Variants in RAPGEF2 observed in about 807,000 individuals in gnomAD.
RAPGEF2 encodes the protein PDZ domain containing guanine nucleotide exchange factor (GEF) 1.
In RAPGEF2, 54 loss-of-function variants were observed where a neutral mutation model predicts 186.7. The ratio of observed to expected loss-of-function variants is 0.29; its 90% CI spans 0.23 to 0.36. The LOEUF (loss-of-function observed/expected upper bound fraction) is 0.36, where lower values mean the gene tolerates loss of function less well. Among genes scored for constraint, RAPGEF2 ranks in the 10% least tolerant of loss-of-function variants. The pLI, the probability that RAPGEF2 is intolerant of heterozygous loss-of-function variation, is 1.00. For missense variants in RAPGEF2, 1,532 were observed against 2,045.0 expected (o/e 0.75, Z 4.84); for synonymous variants, 712 against 705.9 (o/e 1.01, Z -0.14).
intron 1 of RAPGEF2, among the ~76,000 whole-genome samples, chr4:159,157,984 A>G (rs984773208): frequency 3.3e-5 from 5 of 152,040 alleles, no homozygotes; most frequent in Non-Finnish European, 5.9e-5. Flanking sequence ...GTAAATGTCT[A>G]TGGTGGGGCT....
intron 1 of RAPGEF2, among the ~76,000 whole-genome samples, chr4:159,123,664 G>T (rs562176485): frequency 1.3e-5 from 2 of 150,246 alleles, no homozygotes; most frequent in African/African-American, 4.9e-5. Context: ...GACTACAGGC[G>T]CCCACCACCG....
chr4:159,281,685 A>AG (rs1269960639), intron 7 of RAPGEF2, among the ~76,000 whole-genome samples: 4 of 143,986 alleles, frequency 2.8e-5, no homozygotes, highest in African/African-American at 5.5e-5. Context: ...AAAAAAAAAA[A>AG]AAAAAGAAAA....
chr4:159,238,990 T>C, intron 5 of RAPGEF2, 106 bp downstream of exon 5: 2 of 582,042 alleles, frequency 3.4e-6, no homozygotes, highest in Non-Finnish European at 5.3e-6. Context: ...ATAGAAAATA[T>C]TGTATATTTT....
chr4:159,182,386 C>CTTTTTTTTTTTTTTTTTTTTTTTT (rs575743979), intron 1 of RAPGEF2, among the ~76,000 whole-genome samples: 1 of 85,690 alleles, frequency 1.2e-5, no homozygotes, highest in African/African-American at 4.4e-5. Context: ...TTCTTTTCTT[C>CTTTTTTTTTTTTTTTTTTTTTTTT]TTTTTTTTTT....
intron 7 of RAPGEF2, among the ~76,000 whole-genome samples, chr4:159,256,555 A>G (rs750288889): frequency 5.3e-5 from 8 of 152,216 alleles, no homozygotes; most frequent in Admixed American, 1.3e-4. Context: ...TTCTTTGGGT[A>G]TATACCCAGT....
chr4:159,209,875 G>C (rs948125661), intron 3 of RAPGEF2, among the ~76,000 whole-genome samples: 2 of 152,112 alleles, frequency 1.3e-5, no homozygotes, highest in Non-Finnish European at 2.9e-5. Context: ...ATCAGTAGGG[G>C]GTTGCTTAAG....
At chr4:159,210,474 C>T in intron 3 of RAPGEF2, 26 bp from the exon 4 acceptor site, 1 of 1,450,666 alleles carries the variant, frequency 6.9e-7, no homozygotes, top group East Asian at 2.5e-5. Context: ...AGGTAACAAT[C>T]TGATTCTGTT....
chr4:159,184,417 T>C (rs1243936960), intron 1 of RAPGEF2, among the ~76,000 whole-genome samples: 1 of 152,206 alleles, frequency 6.6e-6, no homozygotes, highest in Non-Finnish European at 1.5e-5. Context: ...TTTCCTGACT[T>C]TTTAATGATC....
At chr4:159,219,858 G>C (rs1751365481) in intron 4 of RAPGEF2, among the ~76,000 whole-genome samples, 1 of 152,178 alleles carries the variant, frequency 6.6e-6, no homozygotes, top group South Asian at 2.1e-4. Flanking sequence ...TGCAATGTTT[G>C]ATATGCGTAT....
At chr4:159,184,196 A>G (rs1747324184) in intron 1 of RAPGEF2, among the ~76,000 whole-genome samples, 1 of 152,196 alleles carries the variant, frequency 6.6e-6, no homozygotes, top group Admixed American at 6.5e-5. Context: ...GTGCCGCAAT[A>G]AACATATGTG....
intron 25 of RAPGEF2, 77 bp from the exon 26 acceptor site, chr4:159,350,060 A>G (rs1308859245): frequency 5.9e-6 from 6 of 1,016,178 alleles, no homozygotes; most frequent in Non-Finnish European, 6.9e-6. Context: ...TTAACACAAA[A>G]AAGTTTTTTA....
intron 3 of RAPGEF2, among the ~76,000 whole-genome samples, chr4:159,197,678 C>T (rs962404166): frequency 3.3e-5 from 5 of 152,174 alleles, no homozygotes; most frequent in African/African-American, 9.7e-5. Flanking sequence ...CTCAGCTGAG[C>T]TCTTGTTGCT....
rs1579469962 is a variant in RAPGEF2, at chr4:159,209,408, C to T, written c.198-1092C>T. On this transcript the variant is annotated intron_variant, in intron 3 of 29. Coordinates refer to ENST00000691494, the MANE Select transcript of RAPGEF2 (RefSeq NM_001394067.2). ...CTAAAGTCACCCTGACCTTGCGAGG[C>T]AGTGGCAGCCCATGGCCTTTGCACT... 2.6e-5 allele frequency among the ~76,000 whole-genome samples: 4 copies of T among 152,358 alleles called. No individual in the cohort carries two copies. The South Asian group carries it at 8.3e-4, about 32-fold the overall frequency.
At chr4:159,329,600 C>G in intron 11 of RAPGEF2, 1 of 223,932 alleles carries the variant, frequency 4.5e-6, no homozygotes, top group Non-Finnish European at 8.7e-6. Flanking sequence ...CTAATTATGT[C>G]TTTTGATTTT....
chr4:159,330,148 C>T, intron 12 of RAPGEF2, 138 bp downstream of exon 12: 1 of 901,302 alleles, frequency 1.1e-6, no homozygotes, highest in South Asian at 1.8e-5. Flanking sequence ...TGTATGATCT[C>T]CTAGTGAATA....
chr4:159,220,504 C>A (rs1482062496), intron 4 of RAPGEF2, among the ~76,000 whole-genome samples: 2 of 152,148 alleles, frequency 1.3e-5, no homozygotes, highest in Admixed American at 6.6e-5. Context: ...AACATAAATC[C>A]ACACTCCTTG....
At chr4:159,265,532 C>A (rs1035929762) in intron 7 of RAPGEF2, among the ~76,000 whole-genome samples, 5 of 152,242 alleles carry the variant, frequency 3.3e-5, no homozygotes, top group Middle Eastern at 3.4e-3. Context: ...AGAGAGTGAC[C>A]ATGAGCATGG....
At chr4:159,183,996 G>C (rs1227070790) in intron 1 of RAPGEF2, among the ~76,000 whole-genome samples, 7 of 152,102 alleles carry the variant, frequency 4.6e-5, no homozygotes, top group South Asian at 4.2e-4. Flanking sequence ...GTGGTGTTTG[G>C]TTTTCTGTCC....
At chr4:159,345,800 A>G (rs1730212264) in intron 24 of RAPGEF2, among the ~76,000 whole-genome samples, 1 of 152,132 alleles carries the variant, frequency 6.6e-6, no homozygotes, top group African/African-American at 2.4e-5. Context: ...ATTCTGCTCC[A>G]CAGTGAACCA....
Sources: allele counts gnomAD v4.1 joint callset (sites outside exome capture counted in the v4.1 genomes callset), GRCh38; gene constraint gnomAD v4.1.1; transcripts MANE v1.5; gene names NCBI Gene and HGNC (gene_info 2026-07-23, HGNC 2026-07-21).